Variants in AP1S3 observed in about 807,000 individuals in gnomAD.
AP1S3 encodes the protein AP-1 complex subunit sigma-3.
In AP1S3, 10 loss-of-function variants were observed where a neutral mutation model predicts 20.9. The ratio of observed to expected loss-of-function variants is 0.48; its 90% confidence interval spans 0.29 to 0.81. The LOEUF (loss-of-function observed/expected upper bound fraction) is 0.81, where lower values mean the gene tolerates loss of function less well. Ranked by LOEUF, AP1S3 falls within the 30% of genes least tolerant of loss-of-function variation. AP1S3 has a pLI of 0.08. For missense variants in AP1S3, 154 were observed against 183.8 expected (o/e 0.84, Z 0.94); for synonymous variants, 41 against 61.5 (o/e 0.67, Z 1.56).
At chr2:223,784,790 G>A (rs1335548368) in intron 1 of AP1S3, among the ~76,000 whole-genome samples, 1 of 152,070 alleles carries the variant, frequency 6.6e-6, no homozygotes, top group Non-Finnish European at 1.5e-5. Context: ...CTTGAGCCCA[G>A]GAGTTCAAGA....
intron 1 of AP1S3, among the ~76,000 whole-genome samples, chr2:223,801,849 G>A (rs1401009202): frequency 6.6e-6 from 1 of 152,104 alleles, no homozygotes; most frequent in African/African-American, 2.4e-5. Flanking sequence ...GGCTTACAGA[G>A]ACTAAGAAGA....
chr2:223,786,560 C>T (rs1691079041), intron 1 of AP1S3, among the ~76,000 whole-genome samples: 1 of 151,618 alleles, frequency 6.6e-6, no homozygotes, highest in South Asian at 2.1e-4. Context: ...TCAAGACTAG[C>T]CTGGGCAACA....
chr2:223,765,168 T>TCATCAA (rs2106078987), intron 4 of AP1S3, 45 bp downstream of exon 4: 1 of 1,606,408 alleles, frequency 6.2e-7, no homozygotes, highest in Non-Finnish European at 8.5e-7. Flanking sequence ...ACCATCATCA[T>TCATCAA]CATCATCATC....
intron 1 of AP1S3, among the ~76,000 whole-genome samples, chr2:223,799,008 G>A (rs894594837): frequency 6.6e-6 from 1 of 152,136 alleles, no homozygotes; most frequent in African/African-American, 2.4e-5. Flanking sequence ...GGAGGCGGAG[G>A]TTGCATGGAG....
intron 1 of AP1S3, among the ~76,000 whole-genome samples, chr2:223,808,261 T>A (rs542400954): frequency 8.5e-5 from 13 of 152,272 alleles, no homozygotes; most frequent in African/African-American, 3.1e-4. Flanking sequence ...CCTATCCTGC[T>A]CAACAACATC....
chr2:223,778,133 T>C lies in AP1S3; in HGVS notation c.4-264A>G, dbSNP rs553627433. On this transcript the variant is annotated intron_variant, in intron 1 of 4. Transcript: ENST00000396654. ...TTTGTTTTTTTTGTTTGTTTGTTTG[T>C]TTGTTTTTTTGAGAAGGAGTGTCGC... Among the ~76,000 whole-genome samples, 60 of 152,018 alleles carry C rather than the reference T, an allele frequency of 3.9e-4. 1 individual carries two copies. The South Asian group carries it at 0.012, about 31-fold the overall frequency.
intron 1 of AP1S3, among the ~76,000 whole-genome samples, chr2:223,797,697 C>T (rs2106108226): frequency 6.6e-6 from 1 of 152,208 alleles, no homozygotes; most frequent in South Asian, 2.1e-4. Flanking sequence ...ACCCGGGGGG[C>T]AGGGGTTGCA....
chr2:223,830,927 T>A (rs149139174), intron 1 of AP1S3, among the ~76,000 whole-genome samples: 1 of 152,358 alleles, frequency 6.6e-6, no homozygotes, highest in East Asian at 1.9e-4. Flanking sequence ...TGATTGTCGA[T>A]AACATTCTAT....
intron 1 of AP1S3, among the ~76,000 whole-genome samples, chr2:223,800,669 G>A (rs144649392): frequency 1.8e-3 from 277 of 152,246 alleles, no homozygotes; most frequent in East Asian, 7.5e-3. Flanking sequence ...AGCAAACTAG[G>A]AAGAGAGAGG....
At chr2:223,787,280 T>C (rs979113458) in intron 1 of AP1S3, among the ~76,000 whole-genome samples, 2 of 152,234 alleles carry the variant, frequency 1.3e-5, no homozygotes, top group Non-Finnish European at 2.9e-5. Context: ...CAATTAAACC[T>C]GTTTTCTTTA....
intron 1 of AP1S3, among the ~76,000 whole-genome samples, chr2:223,808,956 C>T (rs558618231): frequency 1.2e-4 from 18 of 152,216 alleles, no homozygotes; most frequent in Admixed American, 2.6e-4. Context: ...GTTTGTACCA[C>T]GCCACTACAG....
intron 1 of AP1S3, among the ~76,000 whole-genome samples, chr2:223,828,705 C>T (rs1241486516): frequency 6.9e-6 from 1 of 145,682 alleles, no homozygotes; most frequent in African/African-American, 2.8e-5. Flanking sequence ...AGGCCCAGAC[C>T]CATGGCTGGT....
chr2:223,837,575 C>T lies in AP1S3; in HGVS notation c.-125G>A, dbSNP rs1031915533. On this transcript the variant is annotated 5_prime_UTR_variant, in exon 1 of 5. Transcript: ENST00000396654. Reference sequence around the variant, plus strand: ...CGCCCGGCTTAGACCATGGCTGCTTCCCACAATGCCCTGGCACTGAAAGTG... The same window carrying T: ...CGCCCGGCTTAGACCATGGCTGCTTTCCACAATGCCCTGGCACTGAAAGTG... 5 of 531,992 alleles carry T rather than the reference C, an allele frequency of 9.4e-6. No individual in the cohort carries two copies. The highest frequency in any genetic ancestry group is 1.4e-5 in the Non-Finnish European group (5 of 349,332). The allele number at this position is 531,992 out of a possible 1,614,324, so 33.0% of individuals were successfully genotyped here.
In AP1S3 at chr2:223,765,331, A is replaced by G. The variant is rs776079279; in HGVS notation, c.311T>C (p.Ile104Thr). Residue 104 changes from isoleucine (I) to threonine (T), a missense_variant, in exon 4 of 5, where the codon ATC becomes ACC. Coordinates refer to ENST00000396654, the MANE Select transcript of AP1S3 (RefSeq NM_001039569.2). ...GAAATAAGCCTTTTCAAAATTAAAG[A>G]TAATATCCAGCTCACAGACCTGGTG... ...YFGNVCELDI[I>T]FNFEKAYFIL... 2 of 1,613,328 alleles carry G rather than the reference A, an allele frequency of 1.2e-6. No individual in the cohort carries two copies. Among genetic ancestry groups the G allele is most frequent in the Non-Finnish European group, 1.7e-6 (2 of 1,179,872 alleles).
intron 1 of AP1S3, among the ~76,000 whole-genome samples, chr2:223,833,990 C>A (rs1314774524): frequency 6.6e-6 from 1 of 152,018 alleles, no homozygotes; most frequent in Non-Finnish European, 1.5e-5. Flanking sequence ...CTCACCACAA[C>A]CTCCACCTCA....
intron 4 of AP1S3, among the ~76,000 whole-genome samples, chr2:223,761,611 G>A (rs1690356799): frequency 6.6e-6 from 1 of 152,136 alleles, no homozygotes; most frequent in South Asian, 2.1e-4. Flanking sequence ...TTTTTGTAGA[G>A]ACAAGGTTCT....
intron 1 of AP1S3, among the ~76,000 whole-genome samples, chr2:223,786,304 GC>G (rs1311574336): frequency 6.6e-6 from 1 of 152,134 alleles, no homozygotes; most frequent in Non-Finnish European, 1.5e-5. Context: ...TAATTTCAAA[GC>G]AATGTCATTT....
At chr2:223,794,257 G>T (rs1372066321) in intron 1 of AP1S3, among the ~76,000 whole-genome samples, 1 of 151,400 alleles carries the variant, frequency 6.6e-6, no homozygotes, top group African/African-American at 2.4e-5. Flanking sequence ...TTTCTATAGG[G>T]GTTAGAGAAC....
intron 1 of AP1S3, among the ~76,000 whole-genome samples, chr2:223,832,701 G>T (rs1330043356): frequency 1.3e-5 from 2 of 152,118 alleles, no homozygotes; most frequent in South Asian, 2.1e-4. Flanking sequence ...ATACAGAAGG[G>T]GAAGGGGGCG....
Sources: gnomAD v4.1 joint callset for allele counts (sites outside exome capture counted in the v4.1 genomes callset) on GRCh38, gnomAD v4.1.1 for gene constraint, MANE v1.5 for transcripts, NCBI Gene and HGNC (gene_info 2026-07-23, HGNC 2026-07-21) for gene names.